Variants in ANK2 observed in about 807,000 individuals in gnomAD.
ANK2 encodes ankyrin 2.
In ANK2, 83 loss-of-function variants were observed where a neutral mutation model predicts 360.5. The ratio of observed to expected loss-of-function variants is 0.23; its 90% confidence interval spans 0.19 to 0.28. The LOEUF (loss-of-function observed/expected upper bound fraction) is 0.28. ANK2 is among the 10% of genes least tolerant of loss of function. The pLI is 1.00. For missense variants in ANK2, 4,201 were observed against 4,795.7 expected (o/e 0.88, Z 3.66); for synonymous variants, 1,740 against 1,759.5 (o/e 0.99, Z 0.28).
chr4:113,240,146 C>G (rs887917766), intron 7 of ANK2, among the ~76,000 whole-genome samples: 2 of 152,038 alleles, frequency 1.3e-5, no homozygotes, highest in African/African-American at 4.8e-5. Context: ...ATGGCTGAAA[C>G]CTGATGTTGT....
the ANK2 span, among the ~76,000 whole-genome samples, chr4:112,712,509 G>A: frequency 1.3e-4 from 19 of 145,936 alleles, no homozygotes; most frequent in South Asian, 6.6e-4. Context: ...CCGGGTTCAC[G>A]CCATTCCCCT....
chr4:113,145,118 C>T (rs750337499), intron 1 of ANK2, among the ~76,000 whole-genome samples: 5 of 152,124 alleles, frequency 3.3e-5, no homozygotes, highest in Admixed American at 6.5e-5. Context: ...CATGTTTGCT[C>T]TCATGTGGCA....
chr4:112,913,047 G>A (rs932892537), intron 2 of ANK2, among the ~76,000 whole-genome samples: 1 of 152,054 alleles, frequency 6.6e-6, no homozygotes, highest in African/African-American at 2.4e-5. Context: ...TTGGAACAAA[G>A]TGCACTACAT....
At chr4:112,773,133 C>T in the ANK2 span, among the ~76,000 whole-genome samples, 2 of 152,124 alleles carry the variant, frequency 1.3e-5, no homozygotes, top group Non-Finnish European at 2.9e-5. Context: ...GCCTGGGCAA[C>T]ATGGCAAAAC....
intron 17 of ANK2, among the ~76,000 whole-genome samples, chr4:113,280,315 G>A (rs1011677597): frequency 4.6e-5 from 7 of 152,170 alleles, no homozygotes; most frequent in African/African-American, 1.7e-4. Flanking sequence ...GATAAACATA[G>A]CCTTGATTTC....
intron 2 of ANK2, among the ~76,000 whole-genome samples, chr4:113,041,836 A>G (rs1213924591): frequency 6.6e-6 from 1 of 152,160 alleles, no homozygotes; most frequent in Admixed American, 6.6e-5. Context: ...TCTGGTTTGC[A>G]GATGACTGTC....
the ANK2 span, among the ~76,000 whole-genome samples, chr4:112,801,846 G>A: frequency 2.6e-5 from 4 of 152,122 alleles, no homozygotes; most frequent in African/African-American, 9.7e-5. Flanking sequence ...ATCCATTAAA[G>A]CAGTTGAAGA....
chr4:113,064,274 C>G (rs1188381820), intron 1 of ANK2, among the ~76,000 whole-genome samples: 1 of 152,074 alleles, frequency 6.6e-6, no homozygotes, highest in East Asian at 1.9e-4. Flanking sequence ...GAAAAAGATC[C>G]CTTCCACCTA....
intron 18 of ANK2, among the ~76,000 whole-genome samples, chr4:113,284,355 A>T (rs2063557479): frequency 6.6e-6 from 1 of 152,214 alleles, no homozygotes; most frequent in Non-Finnish European, 1.5e-5. Context: ...ATAACAAATA[A>T]ATCTTCATTT....
At chr4:112,750,216 G>C in the ANK2 span, among the ~76,000 whole-genome samples, 1 of 151,956 alleles carries the variant, frequency 6.6e-6, no homozygotes, top group Non-Finnish European at 1.5e-5. Flanking sequence ...CAGGTTGCCT[G>C]AGCTCAGGAA....
At chr4:112,919,907 TTAATAATTTATTATATTTAGAGTTGAA>T (rs1297576658) in intron 2 of ANK2, among the ~76,000 whole-genome samples, 14 of 152,134 alleles carry the variant, frequency 9.2e-5, no homozygotes, top group Non-Finnish European at 1.8e-4. Flanking sequence ...CTTGTAGCTA[TTAATAATTTATTATATTTAGAGTTGAA>T]TAATAATTTA....
chr4:112,743,063 C>T, the ANK2 span, among the ~76,000 whole-genome samples: 1 of 152,178 alleles, frequency 6.6e-6, no homozygotes, highest in Non-Finnish European at 1.5e-5. Flanking sequence ...CTTCTTCAGA[C>T]TGTAAAAGAA....
At chr4:113,319,767 T>C (rs2084999511) in intron 26 of ANK2, among the ~76,000 whole-genome samples, 2 of 152,166 alleles carry the variant, frequency 1.3e-5, no homozygotes. Context: ...TTACACTTCA[T>C]TCAAATTTAC....
intron 14 of ANK2, among the ~76,000 whole-genome samples, chr4:113,266,620 G>C (rs1473314540): frequency 1.3e-5 from 2 of 152,224 alleles, no homozygotes; most frequent in East Asian, 3.9e-4. Context: ...GCTCACCTCT[G>C]TAATCCCAGC....
intron 2 of ANK2, among the ~76,000 whole-genome samples, chr4:113,042,586 T>A (rs1262181320): frequency 6.6e-6 from 1 of 152,156 alleles, no homozygotes; most frequent in East Asian, 1.9e-4. Flanking sequence ...AACAGATACC[T>A]ACGCGGGACA....
chr4:113,199,247 TTTA>T, intron 4 of ANK2, 138 bp downstream of exon 4: 2 of 693,028 alleles, frequency 2.9e-6, no homozygotes, highest in Non-Finnish European at 4.9e-6. Flanking sequence ...GCCAAATAAT[TTTA>T]TTAACCTTTA....
intron 26 of ANK2, among the ~76,000 whole-genome samples, chr4:113,325,638 G>A (rs759195423): frequency 3.3e-5 from 5 of 152,084 alleles, no homozygotes; most frequent in African/African-American, 1.2e-4. Flanking sequence ...AAACTACTTA[G>A]CATAGTTCCA....
At chr4:113,099,662 T>A (rs2092448935) in intron 1 of ANK2, among the ~76,000 whole-genome samples, 1 of 151,840 alleles carries the variant, frequency 6.6e-6, no homozygotes, top group Non-Finnish European at 1.5e-5. Flanking sequence ...GGCAAAAGAC[T>A]CAGAATAATA....
intron 1 of ANK2, among the ~76,000 whole-genome samples, chr4:112,900,678 C>T (rs568632628): frequency 2.6e-5 from 4 of 152,320 alleles, no homozygotes; most frequent in African/African-American, 7.2e-5. Context: ...AAGTCTCCCT[C>T]TTTCCATCTT....
Sources: gnomAD v4.1 joint callset for allele counts (sites outside exome capture counted in the v4.1 genomes callset) on GRCh38, gnomAD v4.1.1 for gene constraint, MANE v1.5 for transcripts, NCBI Gene and HGNC (gene_info 2026-07-23, HGNC 2026-07-21) for gene names.